Variants in ADAM20 observed in about 807,000 individuals in gnomAD.
ADAM20 encodes the protein disintegrin and metalloproteinase domain-containing protein 20.
For synonymous variants in ADAM20, 305 were observed against 310.2 expected (o/e 0.98, Z 0.18); for missense variants, 871 against 883.2 (o/e 0.99, Z 0.18).
At chr14:70,561,613 T>C in the ADAM20 span, among the ~76,000 whole-genome samples, 3 of 152,162 alleles carry the variant, frequency 2.0e-5, no homozygotes, top group Non-Finnish European at 4.4e-5. Context: ...GAGAGAAGAA[T>C]GGTTTTCTGG....
chr14:70,577,285 G>A, the ADAM20 span, among the ~76,000 whole-genome samples: 2 of 151,992 alleles, frequency 1.3e-5, no homozygotes, highest in Admixed American at 1.3e-4. Flanking sequence ...TGAAAAAGTG[G>A]GGTTTATTCC....
the ADAM20 span, among the ~76,000 whole-genome samples, chr14:70,562,695 TTC>T: frequency 3.0e-4 from 45 of 152,134 alleles, no homozygotes; most frequent in Admixed American, 2.0e-3. Context: ...TCCCCCTTTT[TTC>T]TCTCTCTCCT....
At chr14:70,530,598 C>T (rs1883690564) in intron 1 of ADAM20, among the ~76,000 whole-genome samples, 1 of 152,092 alleles carries the variant, frequency 6.6e-6, no homozygotes, top group South Asian at 2.1e-4. Context: ...TACGATGTGA[C>T]ATTAGATGGC....
chr14:70,544,575 A>C, the ADAM20 span, among the ~76,000 whole-genome samples: 1 of 152,196 alleles, frequency 6.6e-6, no homozygotes, highest in Non-Finnish European at 1.5e-5. Context: ...ATAACAGAGA[A>C]AATACCTAAT....
At chr14:70,562,809 G>C in the ADAM20 span, among the ~76,000 whole-genome samples, 1 of 152,176 alleles carries the variant, frequency 6.6e-6, no homozygotes, top group East Asian at 1.9e-4. Context: ...CTGTGGAACT[G>C]TGAGTCAATT....
the ADAM20 span, among the ~76,000 whole-genome samples, chr14:70,559,063 G>A: frequency 6.6e-6 from 1 of 152,128 alleles, no homozygotes; most frequent in Admixed American, 6.5e-5. Context: ...ATGCCAAAAT[G>A]TATATCTCCT....
At position 70,535,003 on chromosome 14, in the gene ADAM20, C is replaced by T. The variant is rs541068998; in HGVS notation, c.-383G>A. The T allele has an allele frequency of 2.0e-5, 3 of 152,314 alleles. No individual in the cohort carries two copies. Among genetic ancestry groups the T allele is most frequent in the African/African-American group, 7.2e-5 (3 of 41,566 alleles). 9.4% of individuals were successfully genotyped at this position (152,314 alleles called of 1,614,324 possible). A position where few individuals can be genotyped will look rare whatever the true frequency, so the allele number is the denominator to read the frequency against. ...GGGCATGACCCTAGTCTTAAACACA[C>T]TGCTGAACTCCCATCCAATGGAGAA... On this transcript the variant is annotated 5_prime_UTR_variant, in exon 1 of 2. It adds an upstream start codon to the 5' untranslated region. Coordinates refer to ENST00000256389, the MANE Select transcript of ADAM20 (RefSeq NM_003814.5).
At chr14:70,554,719 A>G in the ADAM20 span, among the ~76,000 whole-genome samples, 1 of 152,240 alleles carries the variant, frequency 6.6e-6, no homozygotes, top group Admixed American at 6.5e-5. Flanking sequence ...GAAGCAGAGA[A>G]TAGAATAGTG....
the ADAM20 span, among the ~76,000 whole-genome samples, chr14:70,572,100 G>A: frequency 6.6e-6 from 1 of 152,228 alleles, no homozygotes; most frequent in Admixed American, 6.5e-5. Flanking sequence ...AATTACCAAT[G>A]TCATTTTTCA....
At position 70,523,411 on chromosome 14, in the gene ADAM20, A is replaced by C. The variant is rs757450820; in HGVS notation, c.1347T>G (p.Phe449Leu). ...ATTTGCAGTCTTTGCAACATATTCC[A>C]AAAGCACAAGCAGCCCCAGGATGTA... ...CTLHPGAACAFGICCKDCKFL... is the reference protein window; with the variant it reads ...CTLHPGAACALGICCKDCKFL... Residue 449 changes from phenylalanine (F) to leucine (L), a missense_variant, in exon 2 of 2, where the codon TTT becomes TTG. Physicochemically the swap from Phe to Leu is conservative, Grantham distance 22 (BLOSUM62 0). Coordinates refer to ENST00000256389, the MANE Select transcript of ADAM20 (RefSeq NM_003814.5). The C allele has an allele frequency of 6.2e-7, 1 of 1,614,070 alleles. No individual in the cohort carries two copies.
chr14:70,572,159 C>A, the ADAM20 span, among the ~76,000 whole-genome samples: 1 of 152,058 alleles, frequency 6.6e-6, no homozygotes. Flanking sequence ...CAAAAAAGAG[C>A]CTGATTAACC....
chr14:70,532,872 G>A (rs1883743265), intron 1 of ADAM20, among the ~76,000 whole-genome samples: 2 of 151,966 alleles, frequency 1.3e-5, no homozygotes, highest in African/African-American at 4.8e-5. Context: ...ACCTGAATAG[G>A]CATTTATCCA....
chr14:70,567,985 GCCT>G, the ADAM20 span, among the ~76,000 whole-genome samples: 1 of 151,988 alleles, frequency 6.6e-6, no homozygotes, highest in East Asian at 1.9e-4. Context: ...CCCCTCTCAT[GCCT>G]CCTGTCAACA....
the ADAM20 span, among the ~76,000 whole-genome samples, chr14:70,555,413 T>A: frequency 2.0e-5 from 3 of 152,184 alleles, no homozygotes; most frequent in Non-Finnish European, 2.9e-5. Flanking sequence ...TAACTGTCAA[T>A]TTTTTAAAAA....
chr14:70,541,251 A>G, the ADAM20 span, among the ~76,000 whole-genome samples: 5 of 152,244 alleles, frequency 3.3e-5, no homozygotes, highest in Non-Finnish European at 5.9e-5. Flanking sequence ...GTACAATTTA[A>G]AAGTGATTAG....
At chr14:70,561,107 G>C in the ADAM20 span, among the ~76,000 whole-genome samples, 2 of 152,216 alleles carry the variant, frequency 1.3e-5, no homozygotes, top group Non-Finnish European at 2.9e-5. Context: ...ATAGTGATAT[G>C]AACTATGAAG....
the ADAM20 span, among the ~76,000 whole-genome samples, chr14:70,554,547 C>T: frequency 1.4e-4 from 22 of 152,178 alleles, no homozygotes; most frequent in African/African-American, 5.1e-4. Flanking sequence ...CACAGACACA[C>T]ACACACACGG....
At position 70,527,397 on chromosome 14, in the gene ADAM20, C is replaced by G. The variant is rs529224557; in HGVS notation, c.-176-2464G>C. 7.2e-5 allele frequency among the ~76,000 whole-genome samples: 11 copies of G among 152,246 alleles called. No individual in the cohort carries two copies. In the South Asian group the frequency reaches 2.3e-3, roughly 32 times the overall value. ...TCCTCAACTTTTCCTTCATTACTTT[C>G]TCTTTATTTCCAGTACATGAACATA... On this transcript the variant is annotated intron_variant, in intron 1 of 1. Transcript: ENST00000256389.
the ADAM20 span, among the ~76,000 whole-genome samples, chr14:70,559,232 C>A: frequency 1.9e-4 from 29 of 152,134 alleles, no homozygotes; most frequent in South Asian, 6.0e-3. Flanking sequence ...TAACACACAG[C>A]CTTCCCCATC....
Sources: gnomAD v4.1 joint callset for allele counts (sites outside exome capture counted in the v4.1 genomes callset) on GRCh38, gnomAD v4.1.1 for gene constraint, MANE v1.5 for transcripts, NCBI Gene and HGNC (gene_info 2026-07-23, HGNC 2026-07-21) for gene names.